Variants in SVIL observed in about 807,000 individuals in gnomAD.
SVIL encodes the protein archvillin.
SVIL carries 101 observed loss-of-function variants against 240.4 expected under a neutral mutation model. The observed-to-expected ratio is 0.42, with a 90% confidence interval of 0.36 to 0.50. The LOEUF is 0.50. SVIL is among the 20% of genes least tolerant of loss of function. The pLI is 0.01. For synonymous variants in SVIL, 999 were observed against 1,100.0 expected, an observed-to-expected ratio of 0.91 and a Z score of 1.82; for missense variants, 2,512 against 2,818.7, an observed-to-expected ratio of 0.89 and a Z score of 2.46.
chr10:29,471,162 C>T lies in SVIL; in HGVS notation c.5611G>A (p.Glu1871Lys), dbSNP rs540612642. The T allele has an allele frequency of 1.9e-6, 3 of 1,613,844 alleles. No homozygotes were observed. The Admixed American group carries it at 5.0e-5, about 27-fold the overall frequency. ...CTTTGCACATTTTCTTCTTCCTCTT[C>T]CCGCCTCCCCGAGTGCACCACCATC... ...GGMVVHSGRR[E>K]EEEENVQSEW... The change falls in exon 31 of 38, where the codon GAA becomes AAA. Residue 1871 changes from glutamate (E) to lysine (K), a missense_variant. By Grantham distance (56) the Glu-to-Lys change is moderately conservative. Around this residue, in one of 3 missense-constraint regions of SVIL, gnomAD observed 797 missense variants for 925.3 expected, o/e 0.86. Transcript: ENST00000355867.
chr10:29,501,638 C>G (rs1259109383), intron 17 of SVIL, among the ~76,000 whole-genome samples: 1 of 152,160 alleles, frequency 6.6e-6, no homozygotes, highest in South Asian at 2.1e-4. Flanking sequence ...CCCTCGTGAT[C>G]GGCGAGAAGC....
chr10:29,620,967 A>AT (rs1287672631), intron 1 of SVIL, among the ~76,000 whole-genome samples: 30 of 149,980 alleles, frequency 2.0e-4, no homozygotes, highest in African/African-American at 7.2e-4. Context: ...TTATTCTTAA[A>AT]ATTTTTTTTT....
chr10:29,585,383 C>T (rs914908223), intron 1 of SVIL, among the ~76,000 whole-genome samples: 2 of 152,018 alleles, frequency 1.3e-5, no homozygotes, highest in Non-Finnish European at 2.9e-5. Flanking sequence ...GAGACAGTGG[C>T]CTCACTATGT....
chr10:29,533,527 G>A (rs1951530223), intron 7 of SVIL, 69 bp from the exon 8 acceptor site: 1 of 1,520,886 alleles, frequency 6.6e-7, no homozygotes, highest in Admixed American at 2.1e-5. Flanking sequence ...AGCATGCGTA[G>A]ATCACAGATT....
At chr10:29,653,161 A>G (rs1293009108) in intron 3 of SVIL, among the ~76,000 whole-genome samples, 6 of 152,008 alleles carry the variant, frequency 3.9e-5, no homozygotes, top group African/African-American at 1.4e-4. Flanking sequence ...TCTTGCCCCA[A>G]TCTCATGTTG....
intron 36 of SVIL, 50 bp downstream of exon 36, chr10:29,462,227 A>C (rs1944343338): frequency 6.3e-7 from 1 of 1,580,274 alleles, no homozygotes; most frequent in African/African-American, 1.4e-5. Flanking sequence ...GTTAACCCAC[A>C]ATCCAAAAGG....
At position 29,480,580 on chromosome 10, in the gene SVIL, C is replaced by G. The variant is rs766708746; in HGVS notation, c.5334G>C (p.Gly1778=). 7 of 1,613,892 alleles carry G rather than the reference C, an allele frequency of 4.3e-6. No homozygotes were observed. In the Admixed American group the frequency reaches 1.2e-4, roughly 27 times the overall value. ...ACTTCCACTTGACCACATAGGCATC[C>G]CCCTCATGGAACTGCCCGATGCTTT... is the stretch of plus-strand genomic sequence containing the variant. The part of the protein sequence containing the change: ...PKQSIGQFHE[G]DAYVVKWKFM... The change falls in exon 29 of 38, where the codon GGG becomes GGC. Residue 1778 remains glycine (G), a synonymous_variant. Transcript: ENST00000355867.
Position 29,678,017 on chromosome 10 carries a change from G to C in SVIL, c.-301+8536C>G, listed in dbSNP as rs1960332851. Among the ~76,000 whole-genome samples the C allele has an allele frequency of 2.0e-5, 3 of 152,102 alleles. No homozygotes were observed. In the South Asian group the frequency reaches 6.2e-4, roughly 32 times the overall value. On this transcript the variant is annotated intron_variant, in intron 2 of 35. Coordinates refer to the SVIL transcript ENST00000375400. ...TAGAAAGTCATTTATCTTCCTTTTA[G>C]AAGTGAAGCCAGGGTCTACCTTATC...
chr10:29,531,222 A>G, intron 10 of SVIL, 32 bp downstream of exon 10: 1 of 1,610,988 alleles, frequency 6.2e-7, no homozygotes, highest in Non-Finnish European at 8.5e-7. Flanking sequence ...ATGAGATAAT[A>G]AAGAAGAAAA....
At chr10:29,592,868 T>C (rs1956443269) in intron 1 of SVIL, among the ~76,000 whole-genome samples, 1 of 152,230 alleles carries the variant, frequency 6.6e-6, no homozygotes, top group East Asian at 1.9e-4. Context: ...ACTAATGTTC[T>C]ATCTCATTCT....
chr10:29,499,765 G>A (rs1162484618), intron 17 of SVIL, among the ~76,000 whole-genome samples: 1 of 152,226 alleles, frequency 6.6e-6, no homozygotes, highest in Non-Finnish European at 1.5e-5. Context: ...GGCAGGAGAA[G>A]GTTTTCTGGC....
rs191188983 is a variant in SVIL at position 29,461,600 on chromosome 10, G to T, written c.6402+677C>A. Among the ~76,000 whole-genome samples the T allele has an allele frequency of 5.1e-4, 77 of 152,164 alleles. 1 individual carries two copies. Among genetic ancestry groups the T allele is most frequent in the African/African-American group, 1.8e-3 (74 of 41,484 alleles). On this transcript the variant is annotated intron_variant, in intron 36 of 37. Coordinates refer to ENST00000355867, the MANE Select transcript of SVIL (RefSeq NM_021738.3). The stretch of plus-strand genomic sequence containing the variant: ...TCTCACCAAATCAAAACAAATCCTT[G>T]GATTTGCTATTCCTAGCAATGTTAA...
chr10:29,733,416 T>C (rs911385890), intron 1 of SVIL, among the ~76,000 whole-genome samples: 12 of 152,086 alleles, frequency 7.9e-5, no homozygotes, highest in African/African-American at 2.9e-4. Context: ...GCTCGAACTC[T>C]TGGGCTCAAG....
At chr10:29,625,139 A>G (rs1465626081) in intron 1 of SVIL, among the ~76,000 whole-genome samples, 1 of 152,136 alleles carries the variant, frequency 6.6e-6, no homozygotes, top group Non-Finnish European at 1.5e-5. Context: ...CTCTGACATG[A>G]TTAGTGACAC....
chr10:29,687,633 A>C (rs1451524748), intron 1 of SVIL, among the ~76,000 whole-genome samples: 1 of 152,248 alleles, frequency 6.6e-6, no homozygotes, highest in East Asian at 1.9e-4. Context: ...AGATCGCGCC[A>C]CCGCACTCCA....
intron 12 of SVIL, among the ~76,000 whole-genome samples, chr10:29,529,198 A>G (rs112450037): frequency 4.2e-4 from 63 of 150,962 alleles, no homozygotes; most frequent in African/African-American, 1.3e-3. Flanking sequence ...AAAAAAAAAA[A>G]AAAAAGAAAA....
At chr10:29,530,960 C>A (rs1311921262) in intron 10 of SVIL, among the ~76,000 whole-genome samples, 1 of 152,168 alleles carries the variant, frequency 6.6e-6, no homozygotes, top group African/African-American at 2.4e-5. Context: ...GGGGGAATTT[C>A]TTTTAGTTTT....
chr10:29,671,643 G>A (rs1388797568), intron 2 of SVIL, among the ~76,000 whole-genome samples: 2 of 152,206 alleles, frequency 1.3e-5, no homozygotes, highest in African/African-American at 4.8e-5. Flanking sequence ...AAGACAGCAG[G>A]ATTGAGGCTG....
chr10:29,714,378 A>ATGAGG (rs1963488795), intron 1 of SVIL, among the ~76,000 whole-genome samples: 1 of 152,240 alleles, frequency 6.6e-6, no homozygotes, highest in South Asian at 2.1e-4. Flanking sequence ...TAGAAACAAC[A>ATGAGG]TGAGGTGAGG....
Sources: gnomAD v4.1 joint callset for allele counts (sites outside exome capture counted in the v4.1 genomes callset) on GRCh38, gnomAD v4.1.1 for gene constraint, gnomAD v4.1.1 regional missense constraint, MANE v1.5 for transcripts, NCBI Gene and HGNC (gene_info 2026-07-23, HGNC 2026-07-21) for gene names.